The following CLMP variants were observed in gnomAD, a reference collection of about 807,000 sequenced individuals.
The protein encoded by CLMP is CXADR like cell adhesion molecule.
In CLMP, 27 loss-of-function variants were observed where a neutral mutation model predicts 45.2. The observed-to-expected ratio is 0.60, with a 90% confidence interval of 0.44 to 0.82. CLMP has a LOEUF of 0.82. Ranked by LOEUF, CLMP falls within the 40% of genes least tolerant of loss-of-function variation. The pLI is 0.00. For missense variants in CLMP, 403 were observed against 448.4 expected, an observed-to-expected ratio of 0.90 and a Z score of 0.91; for synonymous variants, 167 against 171.4, an observed-to-expected ratio of 0.97 and a Z score of 0.20.
chr11:123,193,367 T>C (rs1448556196), intron 1 of CLMP, among the ~76,000 whole-genome samples: 3 of 152,232 alleles, frequency 2.0e-5, no homozygotes, highest in Non-Finnish European at 4.4e-5. Context: ...TAACAAGGAC[T>C]ATTAGCTGTT....
intron 1 of CLMP, among the ~76,000 whole-genome samples, chr11:123,167,858 C>T (rs1032144558): frequency 2.0e-5 from 3 of 152,152 alleles, no homozygotes; most frequent in African/African-American, 7.2e-5. Context: ...TGCCTCCTTC[C>T]CTGTCCAGAA....
intron 2 of CLMP, among the ~76,000 whole-genome samples, chr11:123,097,385 T>C (rs1342493242): frequency 1.3e-5 from 2 of 152,090 alleles, no homozygotes; most frequent in African/African-American, 4.8e-5. Context: ...TCACCCAGGC[T>C]GGAGTGCAGT....
rs759949891 is a variant in CLMP, at chr11:123,119,052, CCTCTCTCTCTCTCT to C, written c.29-21114_29-21101del. Among the ~76,000 whole-genome samples the C allele has an allele frequency of 2.9e-3, 56 of 19,446 alleles. 4 individuals carry two copies. The highest frequency in any genetic ancestry group is 0.01 in the African/African-American group (42 of 4,042). 12.8% of individuals were successfully genotyped at this position (19,446 alleles called of 152,430 possible). A position where few individuals can be genotyped will look rare whatever the true frequency, so the allele number is the denominator to read the frequency against. On this transcript the variant is annotated intron_variant, in intron 1 of 6. Transcript: ENST00000448775. Reference sequence around the variant, plus strand: ...CTCTCTCTCTCTCTCTCTCCCTCTCCCTCTCTCTCTCTCTCTCTCTCTCTCTCTCTCTCTCTCTT... The same window carrying C: ...CTCTCTCTCTCTCTCTCTCCCTCTCCCTCTCTCTCTCTCTCTCTCTCTCTT...
intron 2 of CLMP, among the ~76,000 whole-genome samples, chr11:123,088,717 C>T (rs1865893231): frequency 6.6e-6 from 1 of 152,188 alleles, no homozygotes; most frequent in African/African-American, 2.4e-5. Context: ...CCTCCGCCTC[C>T]TGGGTTCAAG....
intron 5 of CLMP, among the ~76,000 whole-genome samples, chr11:123,075,754 CAT>C (rs1865731950): frequency 6.6e-6 from 1 of 152,162 alleles, no homozygotes; most frequent in South Asian, 2.1e-4. Flanking sequence ...GGAGAGAAAT[CAT>C]AGCATGTCTG....
chr11:123,154,668 CCTAGTTTTAT>C (rs535338347), intron 1 of CLMP, among the ~76,000 whole-genome samples: 1 of 152,012 alleles, frequency 6.6e-6, no homozygotes, highest in Non-Finnish European at 1.5e-5. Flanking sequence ...AGGATTGAGC[CCTAGTTTTAT>C]CAGCAGCTAA....
intron 1 of CLMP, among the ~76,000 whole-genome samples, chr11:123,134,047 G>T (rs1222766699): frequency 6.6e-6 from 1 of 152,042 alleles, no homozygotes; most frequent in Non-Finnish European, 1.5e-5. Flanking sequence ...ATCACTTGAG[G>T]CCAGGAGTTC....
chr11:123,082,804 AC>A (rs1214540328), intron 5 of CLMP, among the ~76,000 whole-genome samples: 5 of 151,680 alleles, frequency 3.3e-5, no homozygotes. Flanking sequence ...ACGGGGTTTC[AC>A]CATGTTAGCC....
At chr11:123,150,534 A>AGGAAGG (rs755274349) in intron 1 of CLMP, among the ~76,000 whole-genome samples, 5 of 116,330 alleles carry the variant, frequency 4.3e-5, no homozygotes, top group African/African-American at 1.8e-4. Flanking sequence ...GAAGGAAAGA[A>AGGAAGG]ACAAGCAAGG....
In CLMP at chr11:123,097,970, T is replaced by G; in HGVS notation, c.29-18A>C. On this transcript the variant is annotated intron_variant, in intron 1 of 6. Coordinates refer to ENST00000448775, the MANE Select transcript of CLMP (RefSeq NM_024769.5). ...GTAGGAAACTGGAAGAGGAAAATCT[T>G]TAATGAGTAATGCAGAGACTGGATG... 1 of 1,534,764 alleles carries G rather than the reference T, an allele frequency of 6.5e-7. No individual in the cohort carries two copies.
chr11:123,180,981 C>T (rs570990620), intron 1 of CLMP, among the ~76,000 whole-genome samples: 17 of 152,242 alleles, frequency 1.1e-4, no homozygotes, highest in South Asian at 1.0e-3. Flanking sequence ...ACTGGGGGCC[C>T]GGGGTGTGTG....
rs894158262 is a variant in CLMP at position 123,073,364 on chromosome 11, C to G, written c.*110G>C. ...CTGTTCCGTGCAATGCTCACTGCTA[C>G]TTAGATGACCTCTCATCTGGTTGTG... On this transcript the variant is annotated 3_prime_UTR_variant, in exon 7 of 7. Coordinates refer to ENST00000448775, the MANE Select transcript of CLMP (RefSeq NM_024769.5). 2.5e-6 allele frequency: 3 copies of G among 1,215,940 alleles called. No individual in the cohort carries two copies. The highest frequency in any genetic ancestry group is 3.1e-5 in the African/African-American group (2 of 63,610). 75.3% of individuals were successfully genotyped at this position (1,215,940 alleles called of 1,614,324 possible). A position where few individuals can be genotyped will look rare whatever the true frequency, so the allele number is the denominator to read the frequency against.
intron 6 of CLMP, 52 bp downstream of exon 6, chr11:123,074,650 G>C (rs1197619463): frequency 6.4e-7 from 1 of 1,574,562 alleles, no homozygotes; most frequent in Non-Finnish European, 8.7e-7. Flanking sequence ...GGTCACTATA[G>C]TGCTGGCCCT....
chr11:123,089,794 GAAAAAGAA>G, intron 2 of CLMP, among the ~76,000 whole-genome samples: 1 of 126,174 alleles, frequency 7.9e-6, no homozygotes, highest in South Asian at 2.6e-4. Context: ...AAAAAAAAAA[GAAAAAGAA>G]AAAGAAACAA....
At chr11:123,136,728 T>C (rs891221439) in intron 1 of CLMP, among the ~76,000 whole-genome samples, 27 of 151,222 alleles carry the variant, frequency 1.8e-4, no homozygotes, top group Non-Finnish European at 3.2e-4. Flanking sequence ...CCACCCTGCC[T>C]GGCTAGTTTT....
At chr11:123,135,996 G>A in intron 1 of CLMP, 1 of 566,546 alleles carries the variant, frequency 1.8e-6, no homozygotes, top group Non-Finnish European at 3.5e-6. Context: ...AAATTCTATT[G>A]CTTCTTCAAT....
intron 1 of CLMP, among the ~76,000 whole-genome samples, chr11:123,150,463 GAAAGA>G (rs1861302465): frequency 5.0e-5 from 5 of 100,894 alleles, no homozygotes; most frequent in African/African-American, 7.7e-5. Flanking sequence ...AAGAAAGAAA[GAAAGA>G]AAGAAAGAAA....
chr11:123,129,381 CATATGA>C, intron 1 of CLMP, among the ~76,000 whole-genome samples: 3 of 136,210 alleles, frequency 2.2e-5, no homozygotes, highest in African/African-American at 8.5e-5. Context: ...AAATATATAT[CATATGA>C]TATATTATAT....
intron 2 of CLMP, among the ~76,000 whole-genome samples, chr11:123,091,679 C>T (rs1430369152): frequency 6.6e-6 from 1 of 152,150 alleles, no homozygotes; most frequent in Non-Finnish European, 1.5e-5. Flanking sequence ...TAATTATTTG[C>T]TCAGTGTTAA....
Sources: gnomAD v4.1 joint callset for allele counts (sites outside exome capture counted in the v4.1 genomes callset) on GRCh38, gnomAD v4.1.1 for gene constraint, MANE v1.5 for transcripts, NCBI Gene and HGNC (gene_info 2026-07-23, HGNC 2026-07-21) for gene names.